Variants in DST observed in about 807,000 individuals in gnomAD.
The protein encoded by DST is bullous pemphigoid antigen.
A neutral mutation model predicts 875.2 loss-of-function variants in DST; 253 were observed. That is an observed-to-expected ratio of 0.29 (90% CI 0.26 to 0.32). DST has a LOEUF of 0.32. Ranked by LOEUF, DST falls within the 10% of genes least tolerant of loss-of-function variation. The pLI is 1.00. For synonymous variants in DST, 3,124 were observed against 3,197.1 expected (o/e 0.98, Z 0.77); for missense variants, 8,287 against 9,111.6 (o/e 0.91, Z 3.68).
intron 7 of DST, among the ~76,000 whole-genome samples, chr6:56,702,940 C>T (rs763530621): frequency 4.6e-5 from 7 of 152,076 alleles, no homozygotes; most frequent in South Asian, 2.1e-4. Context: ...CAAGTAGAAA[C>T]GATGTTGATA....
rs1276750380 is a variant in DST at position 56,600,085 on chromosome 6, T to C, written c.11678A>G (p.Tyr3893Cys). ...AAATTCTACCTCTTGCTTGGACTGA[T>C]ATTTCTTTAACTCAACTGTGCCATC... ...IGDGTVELKK[Y>C]QSKQEELQKD... Residue 3893 changes from tyrosine to cysteine, a missense_variant, in exon 45 of 104, where the codon TAT (tyrosine) becomes TGT (cysteine). Tyr to Cys is a radical substitution (Grantham distance 194, BLOSUM62 -2). Transcript: ENST00000680361. 44 of 1,612,338 alleles carry C rather than the reference T, an allele frequency of 2.7e-5. No individual in the cohort carries two copies. Among genetic ancestry groups the C allele is most frequent in the Non-Finnish European group, 3.6e-5 (42 of 1,178,990 alleles).
chr6:56,670,792 C>T lies in DST; in HGVS notation c.1063G>A (p.Val355Ile). Residue 355 changes from valine to isoleucine, a missense_variant, in exon 10 of 104, where the codon GTT (valine) becomes ATT (isoleucine). Coordinates refer to ENST00000680361, the MANE Select transcript of DST (RefSeq NM_001374736.1). Reference protein sequence around the residue: ...ILHFQISDIHVTGESEDMSAK... With the variant: ...ILHFQISDIHITGESEDMSAK... ...GACATATCCTCTGACTCTCCAGTAA[C>T]ATGGATATCAGATATCTAGATATAA... is the stretch of plus-strand genomic sequence containing the variant. The T allele has an allele frequency of 1.9e-6, 3 of 1,594,422 alleles. No homozygotes were observed. Among genetic ancestry groups the T allele is most frequent in the Non-Finnish European group, 2.6e-6 (3 of 1,171,312 alleles).
At position 56,619,063 on chromosome 6, in the gene DST, T is replaced by C. The variant is rs2098659869; in HGVS notation, c.4930-4579A>G. 2.5e-6 allele frequency: 4 copies of C among 1,614,018 alleles called. No homozygotes were observed. Among genetic ancestry groups the C allele is most frequent in the Non-Finnish European group, 3.4e-6 (4 of 1,180,024 alleles). ...TTTGCTTAAATTCACTTACCAAATTTTGACTTTTCGCCAGGTCTTCTTCTA... is the reference window on the plus strand; with the variant it reads ...TTTGCTTAAATTCACTTACCAAATTCTGACTTTTCGCCAGGTCTTCTTCTA... On this transcript the variant is annotated intron_variant, in intron 36 of 103. Transcript: ENST00000680361.
At position 56,616,605 on chromosome 6, in the gene DST, T is replaced by C. The variant is rs370525189; in HGVS notation, c.4930-2121A>G. 5 of 1,614,194 alleles carry C rather than the reference T, an allele frequency of 3.1e-6. No individual in the cohort carries two copies. The highest frequency in any genetic ancestry group is 4.2e-6 in the Non-Finnish European group (5 of 1,180,026). The stretch of plus-strand genomic sequence containing the variant: ...TTGGGATTAGGGAAAACTCTTGTGT[T>C]GCTGGATGGCTCATGTAAAAACTGT... On this transcript the variant is annotated intron_variant, in intron 36 of 103. Coordinates refer to ENST00000680361, the MANE Select transcript of DST (RefSeq NM_001374736.1).
intron 23 of DST, among the ~76,000 whole-genome samples, chr6:56,636,137 CTT>C (rs1277546074): frequency 2.6e-5 from 4 of 151,706 alleles, no homozygotes; most frequent in Non-Finnish European, 5.9e-5. Flanking sequence ...TTTATGATAT[CTT>C]AAGAATTTTT....
intron 68 of DST, 24 bp from the exon 69 acceptor site, chr6:56,526,591 T>G (rs377500501): frequency 2.5e-6 from 4 of 1,606,798 alleles, no homozygotes; most frequent in Non-Finnish European, 3.4e-6. Flanking sequence ...AATAAGTTAG[T>G]AACACTTAAG....
chr6:56,472,833 C>G (rs1369761672), intron 93 of DST, among the ~76,000 whole-genome samples: 1 of 152,200 alleles, frequency 6.6e-6, no homozygotes, highest in African/African-American at 2.4e-5. Context: ...AAACTTTCCT[C>G]CTGCTTTCTG....
At chr6:56,464,591 A>G in intron 100 of DST, 94 bp downstream of exon 100, 3 of 905,658 alleles carry the variant, frequency 3.3e-6, no homozygotes, top group South Asian at 3.0e-5. Flanking sequence ...CGATGGATGA[A>G]GCATGTTATT....
chr6:56,639,319 T>C lies in DST; in HGVS notation c.2904A>G (p.Ser968=), dbSNP rs1410203753. The stretch of plus-strand genomic sequence containing the variant: ...GTAGCTGCTCTGCTATCTCCTGAAC[T>C]GATTTAATATTTTCTTCCTTTTGAT... The part of the protein sequence containing the change: ...ELDQKEENIK[S]VQEIAEQLLL... The change falls in exon 22 of 104, where the codon TCA becomes TCG. Residue 968 remains serine, a synonymous_variant. Transcript: ENST00000680361. The C allele has an allele frequency of 5.6e-6, 9 of 1,613,712 alleles. No homozygotes were observed. The East Asian group carries it at 1.3e-4, about 24-fold the overall frequency.
At chr6:56,743,613 G>C (rs1309286446) in intron 4 of DST, among the ~76,000 whole-genome samples, 1 of 152,074 alleles carries the variant, frequency 6.6e-6, no homozygotes, top group African/African-American at 2.4e-5. Context: ...TTATTTGCCA[G>C]ATGTTGTTCT....
At chr6:56,948,733 C>CTGGAATGT in intron 2 of DST, among the ~76,000 whole-genome samples, 1 of 152,178 alleles carries the variant, frequency 6.6e-6, no homozygotes, top group African/African-American at 2.4e-5. Flanking sequence ...TAGAAGCAAC[C>CTGGAATGT]ATTTCACCAG....
chr6:56,559,762 C>T lies in DST; in HGVS notation c.14440+532G>A, dbSNP rs138158807. On this transcript the variant is annotated intron_variant, in intron 58 of 103. Coordinates refer to ENST00000680361, the MANE Select transcript of DST (RefSeq NM_001374736.1). ...GCTTGTAAAGAAAATTCTGTACCTC[C>T]GAGGAGCAGTGTATACTCCTCTGTT... is the stretch of plus-strand genomic sequence containing the variant. Among the ~76,000 whole-genome samples, 727 of 152,000 alleles carry T rather than the reference C, an allele frequency of 4.8e-3. 2 individuals carry two copies. The highest frequency in any genetic ancestry group is 6.5e-3 in the Non-Finnish European group (439 of 67,950).
rs1379591723 is a variant in DST, at chr6:56,645,898, C to T, written c.1746G>A (p.Glu582=). The part of the protein sequence containing the change: ...EWGKLIIAML[E]REKALRPEVE... ...CTTCTGGACGAAGGGCCTTCTCTCTCTCTAGCATGGCAATAATGAGTTTCC... is the reference window on the plus strand; with the variant it reads ...CTTCTGGACGAAGGGCCTTCTCTCTTTCTAGCATGGCAATAATGAGTTTCC... The change falls in exon 15 of 104, where the codon GAG becomes GAA. Residue 582 remains glutamate, a synonymous_variant. Transcript: ENST00000680361. The T allele has an allele frequency of 6.2e-6, 10 of 1,613,752 alleles. No homozygotes were observed. The Admixed American group carries it at 1.7e-4, about 27-fold the overall frequency.
Position 56,640,412 on chromosome 6 carries a change from G to A in DST, c.2221C>T (p.Leu741=). The part of the protein sequence containing the change: ...SGLTQSLTPS[L]TSSSMTSGLS... ...CCAGAAGTCATACTAGAAGAGGTTA[G>A]GGAAGGTGTTAAACTCTGGGTCAGC... Residue 741 remains leucine, a synonymous_variant, in exon 18 of 104, where the codon CTA becomes TTA. Coordinates refer to ENST00000680361, the MANE Select transcript of DST (RefSeq NM_001374736.1). The A allele has an allele frequency of 2.5e-6, 4 of 1,614,140 alleles. No homozygotes were observed. Among genetic ancestry groups the A allele is most frequent in the Non-Finnish European group, 2.5e-6 (3 of 1,180,018 alleles).
intron 6 of DST, 56 bp from the exon 7 acceptor site, chr6:56,703,802 A>G (rs1419447775): frequency 1.6e-6 from 1 of 616,422 alleles, no homozygotes; most frequent in Non-Finnish European, 2.0e-6. Context: ...CAGACCAGAA[A>G]TGAAAAGAAG....
intron 5 of DST, among the ~76,000 whole-genome samples, chr6:56,710,293 C>T (rs1414975279): frequency 6.6e-6 from 1 of 152,080 alleles, no homozygotes; most frequent in African/African-American, 2.4e-5. Flanking sequence ...AAACATCAGC[C>T]ACATAAAGGG....
intron 5 of DST, among the ~76,000 whole-genome samples, chr6:56,732,497 T>C (rs927092243): frequency 1.3e-5 from 2 of 152,018 alleles, no homozygotes; most frequent in Admixed American, 6.6e-5. Flanking sequence ...GCTTTTGAAA[T>C]AAGCAAAAAA....
chr6:56,722,368 G>GTTTATTTATTTA (rs1554672067), intron 5 of DST, among the ~76,000 whole-genome samples: 4 of 150,708 alleles, frequency 2.7e-5, no homozygotes, highest in African/African-American at 7.3e-5. Flanking sequence ...GTACATGTTT[G>GTTTATTTATTTA]TTTATTTATT....
At chr6:56,803,318 T>G (rs1192037562) in intron 4 of DST, among the ~76,000 whole-genome samples, 3 of 152,238 alleles carry the variant, frequency 2.0e-5, no homozygotes, top group Non-Finnish European at 4.4e-5. Context: ...GCTGCAATCT[T>G]ACTTGGTAAC....
Sources: allele counts gnomAD v4.1 joint callset (sites outside exome capture counted in the v4.1 genomes callset), GRCh38; gene constraint gnomAD v4.1.1; transcripts MANE v1.5; gene names NCBI Gene and HGNC (gene_info 2026-07-23, HGNC 2026-07-21).